Variants in NOL10 observed in about 807,000 individuals in gnomAD.
The protein encoded by NOL10 is nucleolar protein 10, also known as H_NH0074G24.1.
Under a neutral mutation model 103.5 loss-of-function variants are expected in NOL10, and 58 were observed. The ratio of observed to expected loss-of-function variants is 0.56; its 90% CI spans 0.45 to 0.70. The LOEUF is 0.70. Among genes scored for constraint, NOL10 ranks in the 30% least tolerant of loss-of-function variants. The pLI is 0.00. For missense variants in NOL10, 763 were observed against 807.3 expected (o/e 0.95, Z 0.67); for synonymous variants, 287 against 282.5 (o/e 1.02, Z -0.16).
At chr2:10,607,628 T>C (rs552973151) in intron 13 of NOL10, among the ~76,000 whole-genome samples, 21 of 152,172 alleles carry the variant, frequency 1.4e-4, no homozygotes, top group African/African-American at 4.1e-4. Flanking sequence ...CATCCATTCA[T>C]GTATCACCTC....
At chr2:10,603,315 A>T (rs1358848922) in intron 14 of NOL10, among the ~76,000 whole-genome samples, 158 bp from the exon 15 acceptor site, 1 of 152,236 alleles carries the variant, frequency 6.6e-6, no homozygotes, top group Non-Finnish European at 1.5e-5. Context: ...TATAGAGAAC[A>T]TTTAATCTAC....
At chr2:10,638,235 T>A (rs1228585137) in intron 13 of NOL10, among the ~76,000 whole-genome samples, 1 of 151,940 alleles carries the variant, frequency 6.6e-6, no homozygotes, top group Non-Finnish European at 1.5e-5. Context: ...CAGTGAGTTA[T>A]GATCACGTCA....
intron 1 of NOL10, among the ~76,000 whole-genome samples, chr2:10,686,649 G>A (rs1370541724): frequency 1.3e-5 from 2 of 152,238 alleles, no homozygotes; most frequent in African/African-American, 2.4e-5. Flanking sequence ...GGGTGACAGT[G>A]TCTTGAATCA....
At position 10,589,730 on chromosome 2, in the gene NOL10, C is replaced by A; in HGVS notation, c.1444G>T (p.Asp482Tyr). ...KVKSLPNILT[D>Y]DRFKVMFENP... Reference sequence around the variant, plus strand: ...TCAAACATAACTTTAAATCGATCATCGGTGAGAATATTAGGAAGACTCTAC... The same window carrying A: ...TCAAACATAACTTTAAATCGATCATAGGTGAGAATATTAGGAAGACTCTAC... The change falls in exon 18 of 21, where the codon GAT becomes TAT. Residue 482 changes from aspartate to tyrosine, a missense_variant. Physicochemically the swap from Asp to Tyr is radical, Grantham distance 160. Coordinates refer to ENST00000381685, the MANE Select transcript of NOL10 (RefSeq NM_024894.4). 6.5e-7 allele frequency: 1 copy of A among 1,544,846 alleles called. No homozygotes were observed. The highest frequency in any genetic ancestry group is 8.7e-7 in the Non-Finnish European group (1 of 1,150,030).
chr2:10,622,380 G>A (rs1192608922), intron 13 of NOL10, among the ~76,000 whole-genome samples: 1 of 151,714 alleles, frequency 6.6e-6, no homozygotes, highest in Non-Finnish European at 1.5e-5. Flanking sequence ...TGCACAGCAT[G>A]TGCACCAACT....
rs919615074 is a variant in NOL10, at chr2:10,579,393, G to A, written c.1845-1655C>T. On this transcript the variant is annotated intron_variant, in intron 19 of 20. Coordinates refer to ENST00000381685, the MANE Select transcript of NOL10 (RefSeq NM_024894.4). ...TGTGAAATGACTTGCTGCAGGCCAC[G>A]TAAGGATTCAGTTCTAAGCAGGATT... Among the ~76,000 whole-genome samples the A allele has an allele frequency of 6.6e-5, 10 of 152,268 alleles. No individual in the cohort carries two copies. In the East Asian group the frequency reaches 9.6e-4, roughly 15 times the overall value.
intron 13 of NOL10, among the ~76,000 whole-genome samples, chr2:10,636,498 C>T (rs1678237121): frequency 6.9e-6 from 1 of 144,514 alleles, no homozygotes; most frequent in Non-Finnish European, 1.5e-5. Context: ...GTCCCAGATA[C>T]TCGAGAGGCT....
At chr2:10,657,048 G>A (rs1340257993) in intron 11 of NOL10, among the ~76,000 whole-genome samples, 1 of 152,194 alleles carries the variant, frequency 6.6e-6, no homozygotes, top group African/African-American at 2.4e-5. Context: ...GCCAGGTGAG[G>A]TGGCTCACGC....
At chr2:10,613,001 TAAA>T (rs71392245) in intron 13 of NOL10, among the ~76,000 whole-genome samples, 3 of 137,980 alleles carry the variant, frequency 2.2e-5, no homozygotes, top group Non-Finnish European at 4.7e-5. Flanking sequence ...AAGACCCTGT[TAAA>T]AAAAAAAAAG....
At chr2:10,656,413 T>C (rs551407820) in intron 11 of NOL10, among the ~76,000 whole-genome samples, 2 of 152,306 alleles carry the variant, frequency 1.3e-5, no homozygotes, top group East Asian at 1.9e-4. Flanking sequence ...TGAAAGCCTG[T>C]CTTTTCTTTA....
At chr2:10,615,769 G>A (rs1040785204) in intron 13 of NOL10, among the ~76,000 whole-genome samples, 5 of 152,084 alleles carry the variant, frequency 3.3e-5, no homozygotes, top group Admixed American at 2.0e-4. Flanking sequence ...CATGGGGGAC[G>A]ACAGGATGAG....
chr2:10,582,993 T>G (rs954507517), intron 19 of NOL10, among the ~76,000 whole-genome samples: 2 of 152,216 alleles, frequency 1.3e-5, no homozygotes, highest in African/African-American at 4.8e-5. Flanking sequence ...TTGGCAGGAC[T>G]GAGAAACGAG....
intron 19 of NOL10, among the ~76,000 whole-genome samples, chr2:10,580,325 G>T (rs925349319): frequency 6.6e-6 from 1 of 152,112 alleles, no homozygotes; most frequent in Non-Finnish European, 1.5e-5. Context: ...TGGCAGAGGA[G>T]GATGGCAGAA....
chr2:10,613,346 T>C (rs1262335104), intron 13 of NOL10, among the ~76,000 whole-genome samples: 2 of 152,340 alleles, frequency 1.3e-5, no homozygotes, highest in South Asian at 4.1e-4. Context: ...TTGGTAAAAG[T>C]TAAGTGCTAA....
intron 5 of NOL10, among the ~76,000 whole-genome samples, chr2:10,672,876 C>T (rs1212495568): frequency 1.3e-5 from 2 of 152,074 alleles, no homozygotes; most frequent in African/African-American, 4.8e-5. Context: ...GCCTGTAGTT[C>T]CAGCTACTCA....
Position 10,607,185 on chromosome 2 carries a change from C to G in NOL10, c.1153G>C (p.Gly385Arg). 6.6e-7 allele frequency: 1 copy of G among 1,524,158 alleles called. No homozygotes were observed. The highest frequency in any genetic ancestry group is 2.3e-5 in the East Asian group (1 of 42,814). 94.4% of individuals were successfully genotyped at this position (1,524,158 alleles called of 1,614,324 possible). Reference protein sequence around the residue: ...FVTKKDLENLGLTHLIGSPFL... With the variant: ...FVTKKDLENLRLTHLIGSPFL... ...TATTTCATCACAATTTTTTTTTTAC[C>G]TAAATTTTCAAGGTCTTTCTTGGTG... Residue 385 changes from glycine to arginine, a missense_variant and splice_region_variant, in exon 14 of 21, where the codon GGG becomes CGG. Physicochemically the swap from Gly to Arg is moderately radical, Grantham distance 125 (BLOSUM62 -2). Coordinates refer to ENST00000381685, the MANE Select transcript of NOL10 (RefSeq NM_024894.4).
At chr2:10,594,686 C>T (rs1172201775) in intron 17 of NOL10, among the ~76,000 whole-genome samples, 1 of 152,144 alleles carries the variant, frequency 6.6e-6, no homozygotes, top group African/African-American at 2.4e-5. Context: ...ACTACTGACT[C>T]GGCTGGAAAT....
intron 12 of NOL10, among the ~76,000 whole-genome samples, chr2:10,647,865 G>A (rs984021319): frequency 6.6e-6 from 1 of 152,224 alleles, no homozygotes; most frequent in South Asian, 2.1e-4. Context: ...TGAGAATTCC[G>A]AGGTTGGGTA....
Position 10,596,491 on chromosome 2 carries a change from C to T in NOL10, c.1422+4362G>A, listed in dbSNP as rs144761826. On this transcript the variant is annotated intron_variant, in intron 17 of 20. Transcript: ENST00000381685. Reference sequence around the variant, plus strand: ...AGGCATTAGATTCTCATAAGGAGCTCGCAACCTAGATCCCTCGCATGCGCA... The same window carrying T: ...AGGCATTAGATTCTCATAAGGAGCTTGCAACCTAGATCCCTCGCATGCGCA... 8.1e-3 allele frequency among the ~76,000 whole-genome samples: 1,229 copies of T among 152,188 alleles called. 14 individuals carry two copies. The highest frequency in any genetic ancestry group is 0.026 in the African/African-American group (1,082 of 41,508).
Sources: gnomAD v4.1 joint callset for allele counts (sites outside exome capture counted in the v4.1 genomes callset) on GRCh38, gnomAD v4.1.1 for gene constraint, MANE v1.5 for transcripts, NCBI Gene and HGNC (gene_info 2026-07-23, HGNC 2026-07-21) for gene names.